SLFN12L: variants seen among roughly 807,000 people sequenced by gnomAD.
SLFN12L encodes the protein schlafen family member 12 like, also known as schlafen family member 12-like.
A neutral mutation model predicts 34.8 loss-of-function variants in SLFN12L; 34 were observed. The observed-to-expected ratio is 0.98, with a 90% confidence interval of 0.74 to 1.30. SLFN12L has a LOEUF of 1.30. Among genes scored for constraint, SLFN12L ranks in the 50% most tolerant of loss-of-function variants. The pLI is 0.00. For synonymous variants in SLFN12L, 259 were observed against 247.5 expected (o/e 1.05, Z -0.44); for missense variants, 703 against 696.2 (o/e 1.01, Z -0.11).
chr17:35,491,141 T>C (rs1833448780), intron 2 of SLFN12L: 3 of 789,534 alleles, frequency 3.8e-6, no homozygotes, highest in Non-Finnish European at 6.8e-6. Context: ...CCTCCCCTGC[T>C]GCTCCTCCTG....
Position 35,475,440 on chromosome 17 carries a change from T to C in SLFN12L, c.1322A>G (p.Asn441Ser), listed in dbSNP as rs766142542. 6.2e-7 allele frequency: 1 copy of C among 1,613,180 alleles called. No homozygotes were observed. Among genetic ancestry groups the C allele is most frequent in the Non-Finnish European group, 8.5e-7 (1 of 1,179,706 alleles). ...AAGTCCTTCATGTTGTGAGAACAGA[T>C]TTCTGCAGAAGGTTTTTGGAGCACA... ...ITCAPKTFCRNLFSQHEGLKQ... is the reference protein window; with the variant it reads ...ITCAPKTFCRSLFSQHEGLKQ... The change falls in exon 5 of 5, where the codon AAT becomes AGT. Residue 441 changes from asparagine (N) to serine (S), a missense_variant. Asn to Ser is a conservative substitution (Grantham distance 46). Coordinates refer to ENST00000628453, the MANE Select transcript of SLFN12L (RefSeq NM_001363830.2).
chr17:35,489,418 T>G (rs570552564), intron 2 of SLFN12L, among the ~76,000 whole-genome samples: 1 of 152,074 alleles, frequency 6.6e-6, no homozygotes, highest in Non-Finnish European at 1.5e-5. Flanking sequence ...CCGGGCGTGG[T>G]GGCAGTGCAC....
chr17:35,506,141 T>A (rs562659360), intron 2 of SLFN12L, among the ~76,000 whole-genome samples: 104 of 152,182 alleles, frequency 6.8e-4, no homozygotes, highest in Middle Eastern at 3.4e-3. Flanking sequence ...TGGTGGGGGC[T>A]CATAAATGAT....
At chr17:35,505,466 G>C (rs916865731) in intron 2 of SLFN12L, among the ~76,000 whole-genome samples, 1 of 152,096 alleles carries the variant, frequency 6.6e-6, no homozygotes, top group African/African-American at 2.4e-5. Context: ...AAACTTAAAG[G>C]CCCCCCACGC....
At chr17:35,490,083 C>T (rs1914771836) in intron 2 of SLFN12L, 1 of 1,607,010 alleles carries the variant, frequency 6.2e-7, no homozygotes, top group South Asian at 1.1e-5. Flanking sequence ...GCCACCGGCC[C>T]CCTCCTCCCC....
intron 1 of SLFN12L, among the ~76,000 whole-genome samples, chr17:35,527,073 T>C (rs1037106314): frequency 6.6e-6 from 1 of 152,088 alleles, no homozygotes; most frequent in Non-Finnish European, 1.5e-5. Flanking sequence ...CAGAGAATAC[T>C]GTAAACACCT....
In SLFN12L at chr17:35,535,695, G is replaced by A. The variant is rs181678707; in HGVS notation, c.-606+1878C>T. Among the ~76,000 whole-genome samples the A allele has an allele frequency of 7.7e-4, 117 of 151,894 alleles. 1 individual carries two copies. Among genetic ancestry groups the A allele is most frequent in the African/African-American group, 2.5e-3 (105 of 41,436 alleles). ...TTTTGAGATGGATTCTTGCTCTGCC[G>A]CCAAGGCTCGAAGGCAGTGGCAGGA... On this transcript the variant is annotated intron_variant, in intron 1 of 4. Transcript: ENST00000628453.
chr17:35,529,508 T>C (rs1261454918), intron 1 of SLFN12L, among the ~76,000 whole-genome samples: 1 of 152,212 alleles, frequency 6.6e-6, no homozygotes, highest in African/African-American at 2.4e-5. Context: ...TGGAATACTA[T>C]GCAGCCATTA....
At chr17:35,503,935 C>G (rs892624344) in intron 2 of SLFN12L, among the ~76,000 whole-genome samples, 1 of 152,064 alleles carries the variant, frequency 6.6e-6, no homozygotes, top group Non-Finnish European at 1.5e-5. Flanking sequence ...AAGCACCACC[C>G]CCTCCAGAGT....
chr17:35,491,334 T>C (rs1914829872), intron 2 of SLFN12L: 1 of 505,300 alleles, frequency 2.0e-6, no homozygotes, highest in Non-Finnish European at 3.5e-6. Flanking sequence ...CCTACTTTCT[T>C]CCTCCAGGAG....
chr17:35,466,446 G>T lies in SLFN12L; in HGVS notation c.*8477C>A, dbSNP rs1176495472. On this transcript the variant is annotated 3_prime_UTR_variant, in exon 5 of 5. Coordinates refer to ENST00000628453, the MANE Select transcript of SLFN12L (RefSeq NM_001363830.2). ...ATGGCCTTCTTTTTAAAGAGACAGG[G>T]ACAGACAAGATCTTAAGTGCATGCA... is the stretch of plus-strand genomic sequence containing the variant. Among the ~76,000 whole-genome samples the T allele has an allele frequency of 2.0e-5, 3 of 152,124 alleles. No individual in the cohort carries two copies. The highest frequency in any genetic ancestry group is 7.2e-5 in the African/African-American group (3 of 41,440).
Position 35,530,434 on chromosome 17 carries a change from G to GAA in SLFN12L, c.-606+7138_-606+7139insTT, listed in dbSNP as rs1491491029. Among the ~76,000 whole-genome samples the GAA allele has an allele frequency of 5.6e-3, 65 of 11,644 alleles. 11 individuals carry two copies. The highest frequency in any genetic ancestry group is 0.017 in the South Asian group (4 of 238). The allele number at this position is 11,644 out of a possible 152,430, so 7.6% of individuals were successfully genotyped here. A position where few individuals can be genotyped will look rare whatever the true frequency, so the allele number is the denominator to read the frequency against. On this transcript the variant is annotated intron_variant, in intron 1 of 4. Coordinates refer to ENST00000628453, the MANE Select transcript of SLFN12L (RefSeq NM_001363830.2). ...GGAAGGAAGGAAGGAAGGAAGGGAA[G>GAA]GGAAGGGAAGAAAGAAAGAAAGAAA...
At chr17:35,484,117 T>C (rs1226541218) in intron 2 of SLFN12L, among the ~76,000 whole-genome samples, 2 of 152,158 alleles carry the variant, frequency 1.3e-5, no homozygotes, top group East Asian at 1.9e-4. Context: ...CCCATGTGAT[T>C]TGGGGACTCT....
intron 2 of SLFN12L, among the ~76,000 whole-genome samples, chr17:35,508,030 C>T (rs1253655198): frequency 1.3e-5 from 2 of 152,184 alleles, no homozygotes; most frequent in Non-Finnish European, 2.9e-5. Flanking sequence ...GTGCCCTGGG[C>T]CTGGTTAAAG....
chr17:35,531,800 T>A (rs948194422), intron 1 of SLFN12L, among the ~76,000 whole-genome samples: 10 of 151,906 alleles, frequency 6.6e-5, no homozygotes, highest in African/African-American at 2.4e-4. Flanking sequence ...AAATTTTTTT[T>A]ATTTTTATTT....
intron 2 of SLFN12L, chr17:35,487,707 A>T: frequency 6.9e-7 from 1 of 1,448,246 alleles, no homozygotes; most frequent in Non-Finnish European, 9.0e-7. Context: ...AAAGTTATTT[A>T]AAGAAAAAGA....
At chr17:35,533,611 AGAAGGGGGG>A (rs2142180796) in intron 1 of SLFN12L, among the ~76,000 whole-genome samples, 1 of 152,340 alleles carries the variant, frequency 6.6e-6, no homozygotes, top group South Asian at 2.1e-4. Flanking sequence ...AATTTGGTGA[AGAAGGGGGG>A]GAAGAATTTT....
chr17:35,530,449 A>G (rs57438888), intron 1 of SLFN12L, among the ~76,000 whole-genome samples: 34 of 46,184 alleles, frequency 7.4e-4, no homozygotes, highest in Non-Finnish European at 1.5e-3. Context: ...GGGAAGAAAG[A>G]AAGAAAGAAA....
intron 2 of SLFN12L, chr17:35,490,536 C>G: frequency 1.2e-6 from 1 of 863,820 alleles, no homozygotes. Flanking sequence ...AAAATAACGT[C>G]CAGTGGATGG....
Sources: allele counts gnomAD v4.1 joint callset (sites outside exome capture counted in the v4.1 genomes callset), GRCh38; gene constraint gnomAD v4.1.1; transcripts MANE v1.5; gene names NCBI Gene and HGNC (gene_info 2026-07-23, HGNC 2026-07-21).